Variants in PDE7B observed in about 807,000 individuals in gnomAD.
PDE7B encodes the protein phosphodiesterase 7B, also known as 3',5'-cyclic-AMP phosphodiesterase 7B.
A neutral mutation model predicts 56.2 loss-of-function variants in PDE7B; 29 were observed. The ratio of observed to expected loss-of-function variants is 0.52; its 90% CI spans 0.38 to 0.70. PDE7B has a LOEUF of 0.70. PDE7B is among the 30% of genes least tolerant of loss of function. The pLI, the probability that PDE7B is intolerant of heterozygous loss-of-function variation, is 0.00. For synonymous variants in PDE7B, 197 were observed against 196.9 expected (o/e 1.00, Z 0.00); for missense variants, 490 against 565.0 (o/e 0.87, Z 1.35).
At chr6:136,010,389 C>CTTTTTTTTTTTTTTTTT (rs1327188298) in intron 2 of PDE7B, among the ~76,000 whole-genome samples, 1 of 98,828 alleles carries the variant, frequency 1.0e-5, no homozygotes, top group African/African-American at 3.6e-5. Flanking sequence ...TTATTCCCTT[C>CTTTTTTTTTTTTTTTTT]TTTTTTTTTT....
intron 3 of PDE7B, among the ~76,000 whole-genome samples, chr6:136,115,248 C>A (rs937436173): frequency 1.3e-5 from 2 of 151,886 alleles, no homozygotes; most frequent in South Asian, 2.1e-4. Context: ...TATGCATCTA[C>A]GGGATTCAGA....
At chr6:135,870,165 T>A (rs1461939582) in intron 1 of PDE7B, among the ~76,000 whole-genome samples, 2 of 152,148 alleles carry the variant, frequency 1.3e-5, no homozygotes, top group Non-Finnish European at 2.9e-5. Context: ...CGGAGTAAGC[T>A]GAAACACTAG....
At chr6:136,003,355 G>C (rs1374024285) in intron 2 of PDE7B, among the ~76,000 whole-genome samples, 2 of 151,880 alleles carry the variant, frequency 1.3e-5, no homozygotes, top group African/African-American at 2.4e-5. Flanking sequence ...TAAAATCAGA[G>C]CAGAACTGAA....
intron 2 of PDE7B, chr6:136,038,528 G>C (rs1776365244): frequency 7.8e-7 from 1 of 1,274,212 alleles, no homozygotes; most frequent in Admixed American, 2.4e-5. Flanking sequence ...CAGCTTTCCA[G>C]GTAAATTGAC....
intron 2 of PDE7B, chr6:136,044,995 T>C (rs1358145551): frequency 1.4e-5 from 2 of 139,928 alleles, no homozygotes; most frequent in Non-Finnish European, 1.6e-5. Flanking sequence ...GACTTTTGCA[T>C]CAGACCAATT....
chr6:135,957,471 A>T (rs1331565633), intron 2 of PDE7B, among the ~76,000 whole-genome samples: 1 of 152,162 alleles, frequency 6.6e-6, no homozygotes, highest in Non-Finnish European at 1.5e-5. Flanking sequence ...TCCCATGCTC[A>T]TAAAGACCCT....
intron 1 of PDE7B, among the ~76,000 whole-genome samples, chr6:135,895,477 G>A (rs554386810): frequency 4.1e-4 from 63 of 152,178 alleles, no homozygotes; most frequent in African/African-American, 1.3e-3. Flanking sequence ...CAACATTGCC[G>A]GGTCTACGAG....
At chr6:136,131,620 G>A (rs1385157037) in intron 3 of PDE7B, among the ~76,000 whole-genome samples, 3 of 150,150 alleles carry the variant, frequency 2.0e-5, no homozygotes, top group Non-Finnish European at 4.4e-5. Context: ...TTCCAAAGCT[G>A]GGGGCACTAA....
At chr6:135,962,444 C>G (rs988911822) in intron 2 of PDE7B, among the ~76,000 whole-genome samples, 1 of 152,132 alleles carries the variant, frequency 6.6e-6, no homozygotes, top group East Asian at 1.9e-4. Context: ...ATTCAAGAAG[C>G]GTTTTTGCTA....
Position 136,195,193 on chromosome 6 carries a change from C to T in PDE7B, c.*3353C>T, listed in dbSNP as rs1779294929. On this transcript the variant is annotated 3_prime_UTR_variant, in exon 13 of 13. Coordinates refer to ENST00000308191, the MANE Select transcript of PDE7B (RefSeq NM_018945.4). ...GAAACCCTGACCTACCCATAACTCC[C>T]TGCTAGGCTAAGTAGAAACCAGGTT... 1 of 152,144 alleles carries T rather than the reference C, an allele frequency of 6.6e-6. No homozygotes were observed. Among genetic ancestry groups the T allele is most frequent in the Non-Finnish European group, 1.5e-5 (1 of 68,026 alleles). The allele number at this position is 152,144 out of a possible 1,614,324, so 9.4% of individuals were successfully genotyped here.
intron 1 of PDE7B, among the ~76,000 whole-genome samples, chr6:135,902,683 A>G (rs1324159926): frequency 6.6e-6 from 1 of 152,132 alleles, no homozygotes; most frequent in Non-Finnish European, 1.5e-5. Flanking sequence ...CTTGTATATC[A>G]TTGGCTTATT....
chr6:135,891,363 G>A (rs1410738302), intron 1 of PDE7B, among the ~76,000 whole-genome samples: 2 of 152,134 alleles, frequency 1.3e-5, no homozygotes, highest in East Asian at 3.9e-4. Flanking sequence ...GATCATTAGG[G>A]CTAAAGGAAG....
chr6:135,902,982 T>C (rs1344806282), intron 1 of PDE7B, among the ~76,000 whole-genome samples: 1 of 152,204 alleles, frequency 6.6e-6, no homozygotes, highest in Non-Finnish European at 1.5e-5. Context: ...GTAAGTGGTA[T>C]TTAGATTCCA....
intron 2 of PDE7B, among the ~76,000 whole-genome samples, chr6:136,008,796 C>G (rs1775835336): frequency 6.6e-6 from 1 of 152,064 alleles, no homozygotes; most frequent in South Asian, 2.1e-4. Context: ...CCTGTTCACT[C>G]TGATGGTAGT....
chr6:136,188,159 T>G (rs1028918842), intron 12 of PDE7B, among the ~76,000 whole-genome samples: 13 of 152,196 alleles, frequency 8.5e-5, no homozygotes, highest in African/African-American at 3.1e-4. Context: ...CGTCCCACAG[T>G]GGAGTCATAA....
chr6:136,052,833 C>T (rs1583851991), intron 2 of PDE7B, among the ~76,000 whole-genome samples: 1 of 152,110 alleles, frequency 6.6e-6, no homozygotes, highest in South Asian at 2.1e-4. Context: ...ATAGGTGGAT[C>T]CTGAGTCTTC....
At chr6:136,164,995 A>G (rs561484629) in intron 8 of PDE7B, among the ~76,000 whole-genome samples, 2 of 152,328 alleles carry the variant, frequency 1.3e-5, no homozygotes, top group Admixed American at 6.5e-5. Flanking sequence ...TGGACATTAC[A>G]TCTTTTGTAA....
intron 8 of PDE7B, among the ~76,000 whole-genome samples, chr6:136,157,260 T>C (rs189137801): frequency 5.3e-5 from 8 of 152,244 alleles, no homozygotes; most frequent in Non-Finnish European, 1.2e-4. Flanking sequence ...ATGCTCCTAT[T>C]GTAGTAAGGC....
chr6:136,157,559 C>A (rs4895463), intron 8 of PDE7B, among the ~76,000 whole-genome samples: 58,335 of 151,992 alleles, frequency 0.38, 11,309 homozygotes, highest in South Asian at 0.44. Flanking sequence ...GCCTGGGCAA[C>A]AGAGGGAGAC....
Sources: gnomAD v4.1 joint callset for allele counts (sites outside exome capture counted in the v4.1 genomes callset) on GRCh38, gnomAD v4.1.1 for gene constraint, MANE v1.5 for transcripts, NCBI Gene and HGNC (gene_info 2026-07-23, HGNC 2026-07-21) for gene names.